Variants in ACTA2 observed in about 807,000 individuals in gnomAD.
The protein encoded by ACTA2 is actin alpha 2, smooth muscle, also known as actin, aortic smooth muscle.
A neutral mutation model predicts 39.5 loss-of-function variants in ACTA2; 12 were observed. That is an observed-to-expected ratio of 0.30 (90% CI 0.19 to 0.49). The LOEUF is 0.49. Ranked by LOEUF, ACTA2 falls within the 20% of genes least tolerant of loss-of-function variation. The pLI is 0.99. For synonymous variants in ACTA2, 158 were observed against 180.6 expected, an observed-to-expected ratio of 0.88 and a Z score of 1.00; for missense variants, 236 against 498.8, an observed-to-expected ratio of 0.47 and a Z score of 5.02.
Position 88,990,920 on chromosome 10 carries a change from T to C in ACTA2, c.-24+19A>G. 1.2e-6 allele frequency: 2 copies of C among 1,614,202 alleles called. No homozygotes were observed. Among genetic ancestry groups the C allele is most frequent in the Non-Finnish European group, 8.5e-7 (1 of 1,180,024 alleles). On this transcript the variant is annotated intron_variant, in intron 1 of 4. Coordinates refer to the ACTA2 transcript ENST00000415557. The surrounding 1 kb of genome is among the most constrained non-coding windows in gnomAD (Gnocchi z 4.9). Reference sequence around the variant, plus strand: ...CTCCTACCTCTGGTGAGCCCTCTCCTGCCCGGGTGGAGGCTTACCCCGTCT... The same window carrying C: ...CTCCTACCTCTGGTGAGCCCTCTCCCGCCCGGGTGGAGGCTTACCCCGTCT...
At chr10:88,967,287 T>A (rs1846336027) in intron 1 of ACTA2, among the ~76,000 whole-genome samples, 1 of 152,312 alleles carries the variant, frequency 6.6e-6, no homozygotes, top group South Asian at 2.1e-4. Context: ...ATAAAAGGCA[T>A]CATCAGGTAG....
intron 1 of ACTA2, among the ~76,000 whole-genome samples, chr10:88,981,220 CACCTA>C (rs1846703109): frequency 6.6e-6 from 1 of 152,206 alleles, no homozygotes; most frequent in South Asian, 2.1e-4. Flanking sequence ...TAGTTAAACT[CACCTA>C]ACCTATGTTT....
At chr10:88,982,634 G>T (rs1846738949) in intron 1 of ACTA2, among the ~76,000 whole-genome samples, 2 of 152,114 alleles carry the variant, frequency 1.3e-5, no homozygotes, top group African/African-American at 2.4e-5. Context: ...AGAAATAAAA[G>T]CTCAGTGTCT....
intron 1 of ACTA2, among the ~76,000 whole-genome samples, chr10:88,964,255 G>A (rs976916061): frequency 2.0e-5 from 3 of 152,104 alleles, no homozygotes; most frequent in Admixed American, 6.6e-5. Flanking sequence ...AGAAAAAAGC[G>A]AACAGAAGTT....
intron 8 of ACTA2, 41 bp from the exon 9 acceptor site, chr10:88,935,407 A>G: frequency 6.2e-7 from 1 of 1,610,574 alleles, no homozygotes; most frequent in Non-Finnish European, 8.5e-7. Flanking sequence ...TAATGTCATC[A>G]TTAGTGCAGT....
chr10:88,979,718 A>G (rs535823224), intron 1 of ACTA2, among the ~76,000 whole-genome samples: 4 of 152,268 alleles, frequency 2.6e-5, no homozygotes, highest in Admixed American at 6.5e-5. Context: ...TCTAAACTCA[A>G]TTCGATCAGA....
chr10:88,971,916 T>C (rs989953441), intron 1 of ACTA2, among the ~76,000 whole-genome samples: 13 of 151,796 alleles, frequency 8.6e-5, no homozygotes, highest in Non-Finnish European at 1.9e-4. Context: ...GGACTACTTT[T>C]TTTTTTTTTT....
intron 2 of ACTA2, 105 bp from the exon 3 acceptor site, chr10:88,947,491 T>C: frequency 6.6e-7 from 1 of 1,510,672 alleles, no homozygotes. Flanking sequence ...GTTCCTCTTC[T>C]GATTATCAGC....
intron 4 of ACTA2, 61 bp from the exon 5 acceptor site, chr10:88,941,930 G>A (rs1845862462): frequency 6.8e-7 from 1 of 1,467,768 alleles, no homozygotes; most frequent in Non-Finnish European, 9.4e-7. Flanking sequence ...GAATGGTCAG[G>A]AGAGCACACC....
At chr10:88,949,029 A>C in intron 1 of ACTA2, 76 bp from the exon 2 acceptor site, 1 of 1,524,344 alleles carries the variant, frequency 6.6e-7, no homozygotes, top group Non-Finnish European at 9.0e-7. Context: ...TCCCACCTCC[A>C]AGGCTGGGTT....
chr10:88,958,097 C>A (rs1384343564), intron 1 of ACTA2, among the ~76,000 whole-genome samples: 1 of 152,174 alleles, frequency 6.6e-6, no homozygotes, highest in Non-Finnish European at 1.5e-5. Flanking sequence ...GGTGCCTCCT[C>A]TGTTTATCCA....
chr10:88,962,912 CATATATATATATATATATATATAT>C (rs60878394), intron 1 of ACTA2, among the ~76,000 whole-genome samples: 113 of 101,614 alleles, frequency 1.1e-3, no homozygotes, highest in East Asian at 4.4e-3. Context: ...GGGAATGCCC[CATATATATATATATATATATATAT>C]ATATATATAT....
intron 1 of ACTA2, among the ~76,000 whole-genome samples, chr10:88,960,227 C>T (rs764062343): frequency 4.4e-4 from 67 of 152,054 alleles, no homozygotes; most frequent in Non-Finnish European, 8.5e-4. Context: ...TTGATACAAT[C>T]CTCAATGATT....
intron 3 of ACTA2, among the ~76,000 whole-genome samples, chr10:88,945,020 C>T (rs1266869570): frequency 6.6e-6 from 1 of 152,200 alleles, no homozygotes; most frequent in Non-Finnish European, 1.5e-5. Flanking sequence ...AATGAAACTT[C>T]TGAAAGTTTT....
At chr10:88,956,538 A>G (rs978197430), upstream of ACTA2, among the ~76,000 whole-genome samples, 1 of 152,186 alleles carries the variant, frequency 6.6e-6, no homozygotes, top group Non-Finnish European at 1.5e-5. Context: ...CAAAGTCACC[A>G]TTTTGTGTGT....
At chr10:88,951,840 A>G (rs1259938079) in intron 1 of ACTA2, among the ~76,000 whole-genome samples, 1 of 152,240 alleles carries the variant, frequency 6.6e-6, no homozygotes, top group Non-Finnish European at 1.5e-5. Context: ...CATGAAACAC[A>G]AAATGCTAGG....
At position 88,986,470 on chromosome 10, in the gene ACTA2, T is replaced by C. The variant is rs147243111; in HGVS notation, c.-24+4469A>G. Among the ~76,000 whole-genome samples the C allele has an allele frequency of 3.5e-3, 539 of 152,264 alleles. 7 individuals are homozygous for C. The highest frequency in any genetic ancestry group is 0.012 in the African/African-American group (493 of 41,542). ...TTCTTTAATGCATTGTCTTTTTCAG[T>C]CATTGCTCAAGAGGTAGGTTAGTAT... On this transcript the variant is annotated intron_variant, in intron 1 of 4. Transcript: ENST00000415557.
upstream of ACTA2, among the ~76,000 whole-genome samples, chr10:88,953,985 G>C (rs1259648451): frequency 6.6e-6 from 1 of 152,144 alleles, no homozygotes; most frequent in Non-Finnish European, 1.5e-5. Context: ...AATGGACTAA[G>C]ATACCAGGTG....
intron 1 of ACTA2, among the ~76,000 whole-genome samples, chr10:88,952,000 G>T (rs959080253): frequency 6.6e-5 from 10 of 152,308 alleles, no homozygotes; most frequent in African/African-American, 2.4e-4. Context: ...ATGCAAACCA[G>T]ATATCCGGCC....
Sources: gnomAD v4.1 joint callset for allele counts (sites outside exome capture counted in the v4.1 genomes callset) on GRCh38, gnomAD v4.1.1 for gene constraint, Gnocchi (gnomAD v3.1) non-coding constraint, MANE v1.5 for transcripts, NCBI Gene and HGNC (gene_info 2026-07-23, HGNC 2026-07-21) for gene names.